Variants in BTRC observed in about 807,000 individuals in gnomAD.
The protein encoded by BTRC is F-box/WD repeat-containing protein 1A.
Under a neutral mutation model 85.5 loss-of-function variants are expected in BTRC, and 42 were observed. The observed-to-expected ratio is 0.49, with a 90% CI of 0.38 to 0.64. The LOEUF (loss-of-function observed/expected upper bound fraction) is 0.64, where lower values mean the gene tolerates loss of function less well. BTRC is among the 30% of genes least tolerant of loss of function. The probability of loss-of-function intolerance (pLI) is 0.00; values close to 1 mark genes in which losing one functional copy is unlikely to be tolerated. For missense variants in BTRC, 594 were observed against 743.5 expected (o/e 0.80, Z 2.34); for synonymous variants, 255 against 263.3 (o/e 0.97, Z 0.30).
rs565044801 is a variant in BTRC, at chr10:101,390,622, A to C, written c.48+36394A>C. On this transcript the variant is annotated intron_variant, in intron 1 of 14. Coordinates refer to ENST00000370187, the MANE Select transcript of BTRC (RefSeq NM_033637.4). ...GCTAGGATTACAGGCGTGAGCCACC[A>C]TGCCTGGCCTGGTATGATAATTTTC... Among the ~76,000 whole-genome samples, 4 of 152,146 alleles carry C rather than the reference A, an allele frequency of 2.6e-5. No individual in the cohort carries two copies. The South Asian group carries it at 8.3e-4, about 32-fold the overall frequency.
At chr10:101,434,923 C>T (rs1023282930) in intron 2 of BTRC, among the ~76,000 whole-genome samples, 1 of 152,084 alleles carries the variant, frequency 6.6e-6, no homozygotes, top group Non-Finnish European at 1.5e-5. Flanking sequence ...GCATGAGCCA[C>T]TGCACCTGGC....
rs945349456 is a variant in BTRC at position 101,535,285 on chromosome 10, A to C, written c.1348-69A>C. 7.7e-6 allele frequency: 9 copies of C among 1,168,722 alleles called. No homozygotes were observed. The African/African-American group carries it at 1.4e-4, about 18-fold the overall frequency. The allele number at this position is 1,168,722 out of a possible 1,614,324, so 72.4% of individuals were successfully genotyped here. ...CAGTCCTGTTTTCTGCTTCTCTAAG[A>C]CTCCATTTGCCATAGATTTTACCAA... On this transcript the variant is annotated intron_variant, in intron 10 of 14. Transcript: ENST00000370187.
chr10:101,494,747 C>T (rs1946218628), intron 4 of BTRC, among the ~76,000 whole-genome samples: 1 of 152,174 alleles, frequency 6.6e-6, no homozygotes, highest in African/African-American at 2.4e-5. Context: ...GTATTTCTGG[C>T]TGCATTCCCA....
Position 101,532,953 on chromosome 10 carries a change from T to C in BTRC, c.980T>C (p.Ile327Thr). The change falls in exon 9 of 15, where the codon ATC becomes ACC. Residue 327 changes from isoleucine to threonine, a missense_variant and splice_region_variant. Transcript: ENST00000370187. ...VSGLRDNTIK[I>T]WDKNTLECKR... ...AAAGGATCTTATTTGCCATCCTAGA[T>C]CTGGGATAAAAACACATTGGAATGC... is the stretch of plus-strand genomic sequence containing the variant. 6.2e-7 allele frequency: 1 copy of C among 1,607,022 alleles called. No homozygotes were observed. The highest frequency in any genetic ancestry group is 2.2e-5 in the East Asian group (1 of 44,824).
intron 1 of BTRC, among the ~76,000 whole-genome samples, chr10:101,412,430 T>C (rs527649286): frequency 9.2e-5 from 14 of 152,204 alleles, no homozygotes; most frequent in Non-Finnish European, 1.9e-4. Context: ...CATTCTGGCA[T>C]TGTTTGTTGT....
chr10:101,409,938 A>C (rs1943731603), intron 1 of BTRC, among the ~76,000 whole-genome samples: 1 of 152,230 alleles, frequency 6.6e-6, no homozygotes, highest in Non-Finnish European at 1.5e-5. Flanking sequence ...AAGTAGGTAT[A>C]TACCAAAATT....
chr10:101,446,007 A>G (rs896114894), intron 2 of BTRC, among the ~76,000 whole-genome samples: 12 of 152,200 alleles, frequency 7.9e-5, no homozygotes, highest in South Asian at 2.1e-4. Context: ...TGCTTTTTCA[A>G]TCCATTTGCT....
At chr10:101,475,085 A>G (rs1342490979) in intron 3 of BTRC, among the ~76,000 whole-genome samples, 2 of 152,236 alleles carry the variant, frequency 1.3e-5, no homozygotes, top group African/African-American at 4.8e-5. Context: ...TAGACAACGC[A>G]AAAGAAATAA....
In BTRC at chr10:101,534,747, T is replaced by G; in HGVS notation, c.1184T>G (p.Met395Arg). ...CTGCACTTGCGTTTCAATAATGGCA[T>G]GATGGTGACCTGCTCCAAAGATCGT... is the stretch of plus-strand genomic sequence containing the variant. ...AVLHLRFNNG[M>R]MVTCSKDRSI... The change falls in exon 10 of 15, where the codon ATG (methionine) becomes AGG (arginine). Residue 395 changes from methionine to arginine, a missense_variant. Coordinates refer to ENST00000370187, the MANE Select transcript of BTRC (RefSeq NM_033637.4). The G allele has an allele frequency of 6.2e-7, 1 of 1,614,198 alleles. No homozygotes were observed. The highest frequency in any genetic ancestry group is 8.5e-7 in the Non-Finnish European group (1 of 1,180,010).
At chr10:101,538,941 C>T (rs1455976538) in intron 13 of BTRC, among the ~76,000 whole-genome samples, 2 of 151,964 alleles carry the variant, frequency 1.3e-5, no homozygotes, top group East Asian at 3.9e-4. Flanking sequence ...ATCCTAGCTA[C>T]TCAGGAGGCT....
intron 1 of BTRC, among the ~76,000 whole-genome samples, chr10:101,362,606 G>C (rs1354454464): frequency 6.6e-6 from 1 of 150,852 alleles, no homozygotes; most frequent in Non-Finnish European, 1.5e-5. Context: ...TGTTGGTCAG[G>C]CTGGTCTTGA....
At chr10:101,423,142 G>A (rs1326327026) in intron 1 of BTRC, among the ~76,000 whole-genome samples, 1 of 152,014 alleles carries the variant, frequency 6.6e-6, no homozygotes, top group Non-Finnish European at 1.5e-5. Context: ...TTGAACTCCT[G>A]GTCTCAAGCA....
chr10:101,507,644 A>C (rs979530608), intron 4 of BTRC, among the ~76,000 whole-genome samples: 4 of 152,220 alleles, frequency 2.6e-5, no homozygotes, highest in African/African-American at 9.6e-5. Context: ...TAGTGCTGTC[A>C]TGGAAGATTT....
intron 4 of BTRC, among the ~76,000 whole-genome samples, chr10:101,512,117 T>C (rs980983241): frequency 1.3e-5 from 2 of 152,354 alleles, no homozygotes; most frequent in Admixed American, 6.5e-5. Context: ...GTGCCCAGCA[T>C]AGAGTAGTCA....
At chr10:101,504,056 G>A (rs1946456399) in intron 4 of BTRC, among the ~76,000 whole-genome samples, 1 of 152,156 alleles carries the variant, frequency 6.6e-6, no homozygotes, top group South Asian at 2.1e-4. Flanking sequence ...CTAACTGAAG[G>A]GAGAAGGGTG....
At chr10:101,403,432 C>T (rs1943537390) in intron 1 of BTRC, among the ~76,000 whole-genome samples, 1 of 152,134 alleles carries the variant, frequency 6.6e-6, no homozygotes, top group Admixed American at 6.5e-5. Flanking sequence ...TTCTGTGTTG[C>T]TGGATTTTAT....
Position 101,526,197 on chromosome 10 carries a change from A to G in BTRC, c.741A>G (p.Gly247=). The G allele has an allele frequency of 6.2e-7, 1 of 1,613,516 alleles. No individual in the cohort carries two copies. ...SLWRGLAERR[G]WGQYLFKNKP... is the part of the protein sequence containing the mutation. ...GGAGAGGCCTGGCAGAACGAAGAGG[A>G]TGGTGAGCCTTTAACTTTTCTTACT... The change falls in exon 6 of 15, where the codon GGA becomes GGG. Residue 247 remains glycine, a splice_region_variant and synonymous_variant. Transcript: ENST00000370187.
chr10:101,434,108 A>C (rs1274301112), intron 2 of BTRC, among the ~76,000 whole-genome samples: 2 of 152,230 alleles, frequency 1.3e-5, no homozygotes, highest in Non-Finnish European at 2.9e-5. Flanking sequence ...TGTCTGGATT[A>C]AGAAAAGACA....
At chr10:101,356,191 G>A (rs557135548) in intron 1 of BTRC, among the ~76,000 whole-genome samples, 3 of 152,154 alleles carry the variant, frequency 2.0e-5, no homozygotes, top group Admixed American at 6.6e-5. Flanking sequence ...TAGTAGAGTC[G>A]GGGTTTCACT....
Sources: gnomAD v4.1 joint callset for allele counts (sites outside exome capture counted in the v4.1 genomes callset) on GRCh38, gnomAD v4.1.1 for gene constraint, MANE v1.5 for transcripts, NCBI Gene and HGNC (gene_info 2026-07-23, HGNC 2026-07-21) for gene names.